The following RERG variants were observed in gnomAD, a reference collection of about 807,000 sequenced individuals.
RERG encodes the protein ras-related and estrogen-regulated growth inhibitor.
RERG carries 25 observed loss-of-function variants against 23.2 expected under a neutral mutation model. The ratio of observed to expected loss-of-function variants is 1.08; its 90% CI spans 0.79 to 1.50. RERG has a LOEUF of 1.50. Ranked by LOEUF, RERG falls within the 40% of genes most tolerant of loss-of-function variation. The pLI is 0.00. For synonymous variants in RERG, 81 were observed against 89.1 expected, an observed-to-expected ratio of 0.91 and a Z score of 0.51; for missense variants, 253 against 250.1, an observed-to-expected ratio of 1.01 and a Z score of -0.08.
At chr12:15,214,423 A>G (rs1012732329) in intron 2 of RERG, among the ~76,000 whole-genome samples, 1 of 152,144 alleles carries the variant, frequency 6.6e-6, no homozygotes, top group Admixed American at 6.5e-5. Flanking sequence ...CCCAATTCCT[A>G]CTGGTATTAA....
At chr12:15,153,023 A>G (rs1864468071) in intron 2 of RERG, among the ~76,000 whole-genome samples, 1 of 152,166 alleles carries the variant, frequency 6.6e-6, no homozygotes, top group African/African-American at 2.4e-5. Flanking sequence ...ATCACTCCTA[A>G]TATTTATGGT....
At chr12:15,205,471 T>C (rs1007626617) in intron 2 of RERG, among the ~76,000 whole-genome samples, 2 of 152,030 alleles carry the variant, frequency 1.3e-5, no homozygotes, top group African/African-American at 4.8e-5. Flanking sequence ...AATATTTGAA[T>C]GGAAAAGAAA....
intron 2 of RERG, among the ~76,000 whole-genome samples, chr12:15,196,337 G>A (rs963258676): frequency 1.3e-5 from 2 of 152,166 alleles, no homozygotes; most frequent in Non-Finnish European, 2.9e-5. Flanking sequence ...AGAAATGACT[G>A]TGGCTTCAGC....
intron 2 of RERG, among the ~76,000 whole-genome samples, chr12:15,122,505 A>G (rs1238663658): frequency 6.6e-6 from 1 of 152,182 alleles, no homozygotes; most frequent in Non-Finnish European, 1.5e-5. Context: ...TGTTCTTTGT[A>G]ATTACAGAGT....
At chr12:15,151,858 C>A (rs1250193447) in intron 2 of RERG, 4 of 152,180 alleles carry the variant, frequency 2.6e-5, no homozygotes, top group African/African-American at 4.8e-5. Flanking sequence ...TCATGAACTG[C>A]ATGCTACCCT....
intron 2 of RERG, among the ~76,000 whole-genome samples, chr12:15,182,459 G>C (rs1864938044): frequency 6.6e-6 from 1 of 152,126 alleles, no homozygotes; most frequent in Non-Finnish European, 1.5e-5. Context: ...GCACCAAGGG[G>C]CAACTGTTAG....
At chr12:15,135,145 T>G (rs4575328) in intron 2 of RERG, among the ~76,000 whole-genome samples, 52,321 of 152,046 alleles carry the variant, frequency 0.34, 10,010 homozygotes, top group Admixed American at 0.44. Flanking sequence ...GTCTCGCACA[T>G]ATTGTTAGAT....
intron 2 of RERG, among the ~76,000 whole-genome samples, chr12:15,123,410 T>A (rs892502668): frequency 1.1e-4 from 16 of 150,872 alleles, no homozygotes; most frequent in Non-Finnish European, 2.1e-4. Flanking sequence ...AAAAGAACTC[T>A]AGAGTGCTAG....
chr12:15,154,855 G>A (rs1864499000), intron 2 of RERG, among the ~76,000 whole-genome samples: 1 of 152,098 alleles, frequency 6.6e-6, no homozygotes, highest in African/African-American at 2.4e-5. Flanking sequence ...CTTTAAAAGG[G>A]TCTTTCCTAA....
intron 2 of RERG, among the ~76,000 whole-genome samples, chr12:15,199,712 T>C (rs1302114314): frequency 1.3e-5 from 2 of 151,964 alleles, no homozygotes; most frequent in Non-Finnish European, 2.9e-5. Flanking sequence ...CACACATTCA[T>C]CAAATAACAG....
In RERG at chr12:15,108,903, T is replaced by C; in HGVS notation, c.*207A>G. 2 of 530,748 alleles carry C rather than the reference T, an allele frequency of 3.8e-6. No homozygotes were observed. The highest frequency in any genetic ancestry group is 6.2e-5 in the South Asian group (2 of 32,130). 32.9% of individuals were successfully genotyped at this position (530,748 alleles called of 1,614,324 possible). On this transcript the variant is annotated 3_prime_UTR_variant, in exon 5 of 5. Transcript: ENST00000256953. ...GTTCAAATGCCATTAGAGTGTATCT[T>C]ATTCAAGCAGGAAAGGAAGAAATTG...
chr12:15,143,044 G>T (rs1171672262), intron 2 of RERG, among the ~76,000 whole-genome samples: 1 of 152,154 alleles, frequency 6.6e-6, no homozygotes, highest in Non-Finnish European at 1.5e-5. Context: ...AAAGGATTTG[G>T]CTTAGTGATC....
At position 15,133,144 on chromosome 12, in the gene RERG, G is replaced by GAT. The variant is rs1491335287; in HGVS notation, c.62-12026_62-12025insAT. Reference sequence around the variant, plus strand: ...CACTCTTGGGGTTGTATATCCTGTGGAGATATATATATATATATATATATA... The same window carrying GAT: ...CACTCTTGGGGTTGTATATCCTGTGGATAGATATATATATATATATATATATA... On this transcript the variant is annotated intron_variant, in intron 2 of 4. Coordinates refer to ENST00000256953, the MANE Select transcript of RERG (RefSeq NM_032918.3). Among the ~76,000 whole-genome samples the GAT allele has an allele frequency of 1.4e-3, 81 of 59,216 alleles. 1 individual carries two copies. In the East Asian group the frequency reaches 0.024, roughly 18 times the overall value. The allele number at this position is 59,216 out of a possible 152,430, so 38.8% of individuals were successfully genotyped here.
chr12:15,160,733 A>G lies in RERG; in HGVS notation c.62-39614T>C, dbSNP rs567273273. ...GGAAGTCAAGAATTAACGCAGCCCC[A>G]CAGCTTGGATGGCAGCATAGTGGAG... On this transcript the variant is annotated intron_variant, in intron 2 of 4. Coordinates refer to ENST00000256953, the MANE Select transcript of RERG (RefSeq NM_032918.3). Among the ~76,000 whole-genome samples the G allele has an allele frequency of 2.6e-5, 4 of 152,344 alleles. No individual in the cohort carries two copies. In the Middle Eastern group the frequency reaches 0.014, roughly 518 times the overall value.
intron 2 of RERG, among the ~76,000 whole-genome samples, chr12:15,174,475 A>AGTGTGAGTGTGTGT (rs1864818455): frequency 6.8e-6 from 1 of 147,898 alleles, no homozygotes; most frequent in African/African-American, 2.5e-5. Flanking sequence ...GAGTTTGTTG[A>AGTGTGAGTGTGTGT]GTGTGTGTGT....
At chr12:15,132,865 G>T (rs1864073320) in intron 2 of RERG, among the ~76,000 whole-genome samples, 2 of 151,758 alleles carry the variant, frequency 1.3e-5, no homozygotes, top group African/African-American at 4.8e-5. Context: ...GTGTCTGTTA[G>T]ATCTTTGGCC....
At chr12:15,162,644 A>G (rs575312454) in intron 2 of RERG, among the ~76,000 whole-genome samples, 50 of 152,364 alleles carry the variant, frequency 3.3e-4, no homozygotes, top group African/African-American at 1.2e-3. Flanking sequence ...TTCTACATAC[A>G]TGAAGAGCTC....
At chr12:15,143,126 G>C (rs138051929) in intron 2 of RERG, among the ~76,000 whole-genome samples, 65 of 152,258 alleles carry the variant, frequency 4.3e-4, no homozygotes, top group African/African-American at 1.5e-3. Context: ...ATAGGTTAGT[G>C]TTAGTAACTA....
chr12:15,180,856 G>A (rs930952063), intron 2 of RERG, among the ~76,000 whole-genome samples: 1 of 152,172 alleles, frequency 6.6e-6, no homozygotes. Context: ...GCTCCAAACT[G>A]GGGAGTAAGA....
Sources: allele counts gnomAD v4.1 joint callset (sites outside exome capture counted in the v4.1 genomes callset), GRCh38; gene constraint gnomAD v4.1.1; transcripts MANE v1.5; gene names NCBI Gene and HGNC (gene_info 2026-07-23, HGNC 2026-07-21).